Variants in NCKAP5L observed in about 807,000 individuals in gnomAD.
NCKAP5L encodes the protein NCK associated protein 5 like.
Under a neutral mutation model 103.2 loss-of-function variants are expected in NCKAP5L, and 54 were observed. That is an observed-to-expected ratio of 0.52 (90% confidence interval 0.42 to 0.66). The LOEUF is 0.66. Ranked by LOEUF, NCKAP5L falls within the 30% of genes least tolerant of loss-of-function variation. The pLI, the probability that NCKAP5L is intolerant of heterozygous loss-of-function variation, is 0.00. For missense variants in NCKAP5L, 1,733 were observed against 1,750.6 expected, an observed-to-expected ratio of 0.99 and a Z score of 0.18; for synonymous variants, 762 against 748.6, an observed-to-expected ratio of 1.02 and a Z score of -0.29.
At chr12:49,825,846 T>G (rs1014348902) in intron 1 of NCKAP5L, among the ~76,000 whole-genome samples, 2 of 152,082 alleles carry the variant, frequency 1.3e-5, no homozygotes, top group Admixed American at 6.5e-5. Flanking sequence ...CCACCACCTC[T>G]CCTTCAACAT....
At position 49,801,867 on chromosome 12, in the gene NCKAP5L, G is replaced by C. The variant is rs554923028; in HGVS notation, c.332C>G (p.Thr111Arg). The change falls in exon 6 of 13, where the codon ACG becomes AGG. Residue 111 changes from threonine (T) to arginine (R), a missense_variant. Transcript: ENST00000335999. The stretch of plus-strand genomic sequence containing the variant: ...GCCTACCTGAGGGAGCGAGCCTGTC[G>C]TGAGCTGGAGTTTCTGCTGAAACAG... Reference protein sequence around the residue: ...SALFQQKLQLTTGSLPQIPLT... With the variant: ...SALFQQKLQLRTGSLPQIPLT... 1.2e-6 allele frequency: 2 copies of C among 1,613,982 alleles called. No homozygotes were observed. Among genetic ancestry groups the C allele is most frequent in the Non-Finnish European group, 1.7e-6 (2 of 1,179,872 alleles).
In NCKAP5L at chr12:49,795,798, C is replaced by T. The variant is rs1946028633; in HGVS notation, c.2062G>A (p.Ala688Thr). The T allele has an allele frequency of 6.3e-7, 1 of 1,575,976 alleles. No individual in the cohort carries two copies. The highest frequency in any genetic ancestry group is 8.6e-7 in the Non-Finnish European group (1 of 1,161,112). ...ALGSEKNGVP[A>T]RPGTEKTRGP... ...CGGGTCTTTTCGGTGCCAGGCCTGG[C>T]TGGCACCCCATTCTTCTCTGAGCCC... Residue 688 changes from alanine to threonine, a missense_variant, in exon 8 of 13, where the codon GCC (alanine) becomes ACC (threonine). Coordinates refer to ENST00000335999, the MANE Select transcript of NCKAP5L (RefSeq NM_001037806.4).
chr12:49,817,668 G>A (rs1946313982), intron 1 of NCKAP5L, among the ~76,000 whole-genome samples: 1 of 152,024 alleles, frequency 6.6e-6, no homozygotes, highest in Admixed American at 6.6e-5. Flanking sequence ...AAATCCACAT[G>A]TTTACAGTTA....
intron 1 of NCKAP5L, among the ~76,000 whole-genome samples, chr12:49,822,965 C>G (rs73309102): frequency 0.015 from 2,245 of 152,324 alleles, 56 homozygotes; most frequent in African/African-American, 0.051. Context: ...TGGCATCCAA[C>G]CTCTTCCAGG....
chr12:49,804,182 G>C, intron 2 of NCKAP5L, 102 bp from the exon 3 acceptor site: 1 of 1,156,654 alleles, frequency 8.6e-7, no homozygotes, highest in Non-Finnish European at 1.2e-6. Flanking sequence ...GCATGACACT[G>C]TAATAACTCA....
rs111722829 is a variant in NCKAP5L at position 49,804,243 on chromosome 12, T to C, written c.-36-163A>G. On this transcript the variant is annotated intron_variant, in intron 2 of 12. Coordinates refer to ENST00000335999, the MANE Select transcript of NCKAP5L (RefSeq NM_001037806.4). ...ACGGTCACGGGGCAGACAACACAGA[T>C]ACTCTCCTCATCTTAAGAACAGAGA... 11 of 536,110 alleles carry C rather than the reference T, an allele frequency of 2.1e-5. 1 individual carries two copies. The highest frequency in any genetic ancestry group is 9.6e-5 in the African/African-American group (5 of 52,126). The allele number at this position is 536,110 out of a possible 1,614,324, so 33.2% of individuals were successfully genotyped here. A position where few individuals can be genotyped will look rare whatever the true frequency, so the allele number is the denominator to read the frequency against.
intron 1 of NCKAP5L, among the ~76,000 whole-genome samples, chr12:49,812,045 A>G (rs1450274373): frequency 1.3e-5 from 2 of 152,150 alleles, no homozygotes; most frequent in Non-Finnish European, 2.9e-5. Flanking sequence ...TTAAGCTTTG[A>G]GACAGTCCAT....
intron 8 of NCKAP5L, among the ~76,000 whole-genome samples, 154 bp downstream of exon 8, chr12:49,794,611 C>CCCG (rs372434043): frequency 1.0e-4 from 12 of 120,090 alleles, no homozygotes; most frequent in East Asian, 4.5e-4. Flanking sequence ...ACTGACCCCC[C>CCCG]CACCAGCTGC....
chr12:49,823,002 T>A (rs1946377490), intron 1 of NCKAP5L, among the ~76,000 whole-genome samples: 1 of 151,512 alleles, frequency 6.6e-6, no homozygotes, highest in African/African-American at 2.4e-5. Context: ...GCAGGTGAGG[T>A]GGCCGGTCAG....
At chr12:49,794,613 A>AC (rs1027615398) in intron 8 of NCKAP5L, among the ~76,000 whole-genome samples, 152 bp downstream of exon 8, 2 of 68,074 alleles carry the variant, frequency 2.9e-5, no homozygotes, top group East Asian at 2.7e-4. Flanking sequence ...TGACCCCCCC[A>AC]CCAGCTGCTT....
In NCKAP5L at chr12:49,822,029, G is replaced by T. The variant is rs55724096; in HGVS notation, c.-99+6293C>A. Reference sequence around the variant, plus strand: ...GGTAATGCTATTGTGGGGCGGCGGGGCGGTGGTGCTGTGGGAGGTAAATAG... The same window carrying T: ...GGTAATGCTATTGTGGGGCGGCGGGTCGGTGGTGCTGTGGGAGGTAAATAG... On this transcript the variant is annotated intron_variant, in intron 1 of 12. Coordinates refer to ENST00000335999, the MANE Select transcript of NCKAP5L (RefSeq NM_001037806.4). Among the ~76,000 whole-genome samples the T allele has an allele frequency of 3.7e-3, 564 of 152,314 alleles. 5 individuals carry two copies. Among genetic ancestry groups the T allele is most frequent in the Non-Finnish European group, 6.0e-3 (411 of 68,018 alleles).
At position 49,795,338 on chromosome 12, in the gene NCKAP5L, T is replaced by C. The variant is rs1308107717; in HGVS notation, c.2522A>G (p.Lys841Arg). 2 of 1,538,572 alleles carry C rather than the reference T, an allele frequency of 1.3e-6. No individual in the cohort carries two copies. Among genetic ancestry groups the C allele is most frequent in the Admixed American group, 4.3e-5 (2 of 46,476 alleles). Residue 841 changes from lysine (K) to arginine (R), a missense_variant, in exon 8 of 13, where the codon AAG (lysine) becomes AGG (arginine). By Grantham distance (26) the Lys-to-Arg change is conservative. Transcript: ENST00000335999. The stretch of plus-strand genomic sequence containing the variant: ...GGGAGGGCCCTTCCCTTTGTCAGGC[T>C]TGGGGGACTCCTTGGTGACTAGCGG... ...GAPLVTKESPKPDKGKGPPWA... is the reference protein window; with the variant it reads ...GAPLVTKESPRPDKGKGPPWA...
At chr12:49,806,478 G>A (rs1946181991) in intron 1 of NCKAP5L, among the ~76,000 whole-genome samples, 1 of 152,236 alleles carries the variant, frequency 6.6e-6, no homozygotes, top group Non-Finnish European at 1.5e-5. Context: ...CCGAGGAACA[G>A]AAAGTTACAC....
intron 6 of NCKAP5L, among the ~76,000 whole-genome samples, chr12:49,801,008 A>C (rs1223118241): frequency 1.3e-5 from 2 of 152,214 alleles, no homozygotes; most frequent in African/African-American, 4.8e-5. Context: ...GCTCTGTGCC[A>C]ACCTGGCGAG....
chr12:49,817,361 A>G (rs2137035092), intron 1 of NCKAP5L, among the ~76,000 whole-genome samples: 1 of 152,348 alleles, frequency 6.6e-6, no homozygotes, highest in Non-Finnish European at 1.5e-5. Context: ...ATCTCACAAA[A>G]GAATTACTTT....
chr12:49,806,857 G>A (rs1355293859), intron 1 of NCKAP5L, among the ~76,000 whole-genome samples: 2 of 152,238 alleles, frequency 1.3e-5, no homozygotes, highest in Non-Finnish European at 2.9e-5. Context: ...TAGCCCAAAG[G>A]GTTGTTGGAG....
At chr12:49,812,498 C>T (rs1295966535) in intron 1 of NCKAP5L, among the ~76,000 whole-genome samples, 1 of 152,110 alleles carries the variant, frequency 6.6e-6, no homozygotes, top group Non-Finnish European at 1.5e-5. Flanking sequence ...ATTCTCCTGC[C>T]TCAGCCTCCT....
chr12:49,797,222 C>T lies in NCKAP5L; in HGVS notation c.638G>A (p.Arg213Gln), dbSNP rs78047311. ...LLLCSPATPWRPPGQGPGSPE... is the reference protein window; with the variant it reads ...LLLCSPATPWQPPGQGPGSPE... ...GGAGCCAGGCCCCTGGCCTGGAGGC[C>T]GCCAGGGGGTGGCAGGTGAGCAGAG... The change falls in exon 8 of 13, where the codon CGG becomes CAG. Residue 213 changes from arginine to glutamine, a missense_variant. Coordinates refer to ENST00000335999, the MANE Select transcript of NCKAP5L (RefSeq NM_001037806.4). The surrounding 1 kb of genome is among the most constrained non-coding windows in gnomAD (Gnocchi z 4.5). 47 of 1,613,220 alleles carry T rather than the reference C, an allele frequency of 2.9e-5. No individual in the cohort carries two copies. Among genetic ancestry groups the T allele is most frequent in the East Asian group, 2.2e-4 (10 of 44,890 alleles).
In NCKAP5L at chr12:49,795,290, G is replaced by A. The variant is rs774700748; in HGVS notation, c.2570C>T (p.Thr857Met). The A allele has an allele frequency of 1.1e-5, 17 of 1,529,976 alleles. 1 individual carries two copies. The highest frequency in any genetic ancestry group is 6.8e-5 in the East Asian group (3 of 44,112). The allele number at this position is 1,529,976 out of a possible 1,614,324, so 94.8% of individuals were successfully genotyped here. A position where few individuals can be genotyped will look rare whatever the true frequency, so the allele number is the denominator to read the frequency against. ...AGGTACTAGGGGTGTGGACTGGGCC[G>A]TGGTACTACCACAGTCTGCCCAGGG... is the stretch of plus-strand genomic sequence containing the variant. ...GPPWADCGST[T>M]AQSTPLVPGP... is the part of the protein sequence containing the mutation. Residue 857 changes from threonine (T) to methionine (M), a missense_variant, in exon 8 of 13, where the codon ACG becomes ATG. Physicochemically the swap from Thr to Met is moderately conservative, Grantham distance 81. Transcript: ENST00000335999.
Sources: allele counts gnomAD v4.1 joint callset (sites outside exome capture counted in the v4.1 genomes callset), GRCh38; gene constraint gnomAD v4.1.1; non-coding constraint Gnocchi (gnomAD v3.1); transcripts MANE v1.5; gene names NCBI Gene and HGNC (gene_info 2026-07-23, HGNC 2026-07-21).